Variants in ALK observed in about 807,000 individuals in gnomAD.
ALK encodes the protein ALK receptor tyrosine kinase.
ALK carries 74 observed loss-of-function variants against 163.1 expected under a neutral mutation model. The observed-to-expected ratio is 0.45, with a 90% CI of 0.38 to 0.55. ALK has a LOEUF of 0.55. Ranked by LOEUF, ALK falls within the 20% of genes least tolerant of loss-of-function variation. The pLI is 0.00. For missense variants in ALK, 2,063 were observed against 2,105.3 expected, an observed-to-expected ratio of 0.98 and a Z score of 0.39; for synonymous variants, 960 against 843.2, an observed-to-expected ratio of 1.14 and a Z score of -2.40.
At chr2:29,576,634 A>G (rs1256819450) in intron 3 of ALK, among the ~76,000 whole-genome samples, 1 of 152,150 alleles carries the variant, frequency 6.6e-6, no homozygotes, top group Non-Finnish European at 1.5e-5. Flanking sequence ...AGGGCCACAG[A>G]CCATCCAGGA....
intron 13 of ALK, among the ~76,000 whole-genome samples, chr2:29,234,697 C>T (rs927287420): frequency 1.3e-5 from 2 of 152,134 alleles, no homozygotes; most frequent in African/African-American, 4.8e-5. Context: ...GAGCGTAGTA[C>T]AAGTACTACC....
At chr2:29,194,649 A>ACCCCCCCCCCCCCCCCCCCCCCC (rs1558604714) in intron 28 of ALK, among the ~76,000 whole-genome samples, 1 of 101,006 alleles carries the variant, frequency 9.9e-6, no homozygotes, top group Non-Finnish European at 2.1e-5. Context: ...ACAGGCATGC[A>ACCCCCCCCCCCCCCCCCCCCCCC]CCCCACCCCC....
At chr2:29,520,896 C>G (rs1351920831) in intron 4 of ALK, among the ~76,000 whole-genome samples, 3 of 152,122 alleles carry the variant, frequency 2.0e-5, no homozygotes, top group Non-Finnish European at 4.4e-5. Flanking sequence ...GATTAACAGC[C>G]CGTGATATTC....
At position 29,383,872 on chromosome 2, in the gene ALK, G is replaced by A; in HGVS notation, c.1155-13C>T. ...GAGCACTGTCCAACTGGTTGCATTGGAAAACAGAGGAGAAAAGCATAGAGA... is the reference window on the plus strand; with the variant it reads ...GAGCACTGTCCAACTGGTTGCATTGAAAAACAGAGGAGAAAAGCATAGAGA... On this transcript the variant is annotated splice_polypyrimidine_tract_variant and intron_variant, in intron 4 of 28. Transcript: ENST00000389048. 1 of 1,613,634 alleles carries A rather than the reference G, an allele frequency of 6.2e-7. No homozygotes were observed. Among genetic ancestry groups the A allele is most frequent in the Non-Finnish European group, 8.5e-7 (1 of 1,179,932 alleles).
intron 3 of ALK, among the ~76,000 whole-genome samples, chr2:29,689,253 C>T (rs1388143224): frequency 6.6e-6 from 1 of 152,210 alleles, no homozygotes; most frequent in African/African-American, 2.4e-5. Context: ...CATAGCCTAT[C>T]AATACCTCAA....
rs1372058960 is a variant in ALK, at chr2:29,223,446, G to A, written c.3255C>T (p.Thr1085=). Residue 1085 remains threonine, a synonymous_variant, in exon 20 of 29, where the codon ACC becomes ACT. Coordinates refer to ENST00000389048, the MANE Select transcript of ALK (RefSeq NM_004304.5). ...GGTTGTAGTCGGTCATGATGGTCGA[G>A]GTGCGGAGCTTGCTCAGCTTGTACT... ...SPEYKLSKLR[T]STIMTDYNPN... 5.0e-6 allele frequency: 8 copies of A among 1,614,084 alleles called. No individual in the cohort carries two copies. Among genetic ancestry groups the A allele is most frequent in the African/African-American group, 2.7e-5 (2 of 74,932 alleles).
chr2:29,342,616 T>A (rs1043294702), intron 5 of ALK, among the ~76,000 whole-genome samples: 1 of 152,222 alleles, frequency 6.6e-6, no homozygotes, highest in Admixed American at 6.5e-5. Context: ...ATTTGAAAGA[T>A]GACTGATTAT....
At chr2:29,318,813 G>T (rs780664226) in intron 7 of ALK, among the ~76,000 whole-genome samples, 1 of 152,096 alleles carries the variant, frequency 6.6e-6, no homozygotes, top group Non-Finnish European at 1.5e-5. Flanking sequence ...TGATCTGCCC[G>T]TCTCGGCCTC....
At chr2:29,626,138 C>A (rs1338071402) in intron 3 of ALK, among the ~76,000 whole-genome samples, 1 of 152,084 alleles carries the variant, frequency 6.6e-6, no homozygotes, top group African/African-American at 2.4e-5. Context: ...AAGACTGAAG[C>A]CCTATACCCT....
intron 4 of ALK, among the ~76,000 whole-genome samples, chr2:29,515,625 G>A (rs925996579): frequency 5.3e-5 from 8 of 152,048 alleles, no homozygotes; most frequent in Non-Finnish European, 1.2e-4. Context: ...TTTTGTAGAT[G>A]TCCTTTTTGA....
At chr2:29,792,124 G>C (rs1664204032) in intron 1 of ALK, among the ~76,000 whole-genome samples, 1 of 152,290 alleles carries the variant, frequency 6.6e-6, no homozygotes, top group East Asian at 1.9e-4. Flanking sequence ...GCTAAAAATA[G>C]TTTTAACCTT....
At chr2:29,519,219 G>C (rs1672749442) in intron 4 of ALK, among the ~76,000 whole-genome samples, 1 of 152,210 alleles carries the variant, frequency 6.6e-6, no homozygotes, top group Admixed American at 6.5e-5. Flanking sequence ...GTTTTGCAAG[G>C]TGGTGAGCAT....
chr2:29,526,527 T>A (rs927016784), intron 4 of ALK, among the ~76,000 whole-genome samples: 2 of 152,198 alleles, frequency 1.3e-5, no homozygotes, highest in African/African-American at 4.8e-5. Context: ...TATTGTATAT[T>A]TATTAGTGTG....
At position 29,827,479 on chromosome 2, in the gene ALK, T is replaced by C. The variant is rs112311132; in HGVS notation, c.667+92514A>G. 6.7e-3 allele frequency among the ~76,000 whole-genome samples: 1,022 copies of C among 152,302 alleles called. 9 individuals carry two copies. The highest frequency in any genetic ancestry group is 0.012 in the Non-Finnish European group (784 of 68,016). ...TGATGAACTCTTTGCAGATTTTACA[T>C]ATTAGAGATGCTGTTTTCTGATTAG... On this transcript the variant is annotated intron_variant, in intron 1 of 28. Coordinates refer to ENST00000389048, the MANE Select transcript of ALK (RefSeq NM_004304.5).
In ALK at chr2:29,246,446, T is replaced by A. The variant is rs1274088315; in HGVS notation, c.2204+4659A>T. On this transcript the variant is annotated intron_variant, in intron 12 of 28. Coordinates refer to ENST00000389048, the MANE Select transcript of ALK (RefSeq NM_004304.5). This position sits in a 1 kb window ranked among gnomAD's most constrained non-coding sequence, Gnocchi z 4.3. The stretch of plus-strand genomic sequence containing the variant: ...ATAATCCACGTTCTTCTCATGGCAC[T>A]GCAGTGGCCTCCCACTCTCCCATCC... Among the ~76,000 whole-genome samples, 1 of 152,122 alleles carries A rather than the reference T, an allele frequency of 6.6e-6. No homozygotes were observed. The highest frequency in any genetic ancestry group is 1.5e-5 in the Non-Finnish European group (1 of 67,998).
chr2:29,864,212 C>A (rs1558524238), intron 1 of ALK, among the ~76,000 whole-genome samples: 1 of 152,150 alleles, frequency 6.6e-6, no homozygotes, highest in African/African-American at 2.4e-5. Context: ...CGTACACATA[C>A]CCCTCCCTTT....
At chr2:29,618,763 C>T (rs900583319) in intron 3 of ALK, among the ~76,000 whole-genome samples, 1 of 152,110 alleles carries the variant, frequency 6.6e-6, no homozygotes, top group Non-Finnish European at 1.5e-5. Flanking sequence ...GGTGGATTAC[C>T]AGGTCAGGAG....
At chr2:29,748,912 A>C (rs1444260038) in intron 1 of ALK, among the ~76,000 whole-genome samples, 1 of 152,052 alleles carries the variant, frequency 6.6e-6, no homozygotes, top group Non-Finnish European at 1.5e-5. Flanking sequence ...CTCCTGGCTA[A>C]TTTTTGTATT....
chr2:29,221,317 G>A (rs757416615), intron 22 of ALK: 12 of 477,992 alleles, frequency 2.5e-5, no homozygotes, highest in African/African-American at 5.8e-5. Context: ...TCAGTTTCCC[G>A]TGGATTCCTC....
Sources: allele counts gnomAD v4.1 joint callset (sites outside exome capture counted in the v4.1 genomes callset), GRCh38; gene constraint gnomAD v4.1.1; non-coding constraint Gnocchi (gnomAD v3.1); transcripts MANE v1.5; gene names NCBI Gene and HGNC (gene_info 2026-07-23, HGNC 2026-07-21).